SCAPER: variants seen among roughly 807,000 people sequenced by gnomAD.
SCAPER encodes S phase cyclin A-associated protein in the endoplasmic reticulum.
In SCAPER, 98 loss-of-function variants were observed where a neutral mutation model predicts 182.2. The observed-to-expected ratio is 0.54, with a 90% CI of 0.46 to 0.64. The LOEUF is 0.64. SCAPER is among the 30% of genes least tolerant of loss of function. The pLI is 0.00. For missense variants in SCAPER, 1,432 were observed against 1,690.0 expected, an observed-to-expected ratio of 0.85 and a Z score of 2.68; for synonymous variants, 605 against 564.6, an observed-to-expected ratio of 1.07 and a Z score of -1.01.
At chr15:76,443,909 A>G (rs144595449) in intron 25 of SCAPER, among the ~76,000 whole-genome samples, 71 of 152,378 alleles carry the variant, frequency 4.7e-4, no homozygotes, top group African/African-American at 1.6e-3. Flanking sequence ...GAAATAGCCC[A>G]GTCAAAGCAA....
At chr15:76,870,885 T>A (rs541927851) in intron 2 of SCAPER, among the ~76,000 whole-genome samples, 2 of 152,152 alleles carry the variant, frequency 1.3e-5, no homozygotes, top group East Asian at 3.9e-4. Context: ...TGAATTTTTT[T>A]AATAAAAAGG....
intron 15 of SCAPER, among the ~76,000 whole-genome samples, chr15:76,747,219 T>C (rs1327398716): frequency 6.6e-6 from 1 of 152,186 alleles, no homozygotes; most frequent in Non-Finnish European, 1.5e-5. Context: ...TGAAATGTGA[T>C]CTGGCCAGGC....
rs753312847 is a variant in SCAPER at position 76,381,452 on chromosome 15, T to A, written c.3631A>T (p.Asn1211Tyr). 6 of 1,613,726 alleles carry A rather than the reference T, an allele frequency of 3.7e-6. No homozygotes were observed. Among genetic ancestry groups the A allele is most frequent in the Non-Finnish European group, 4.2e-6 (5 of 1,179,870 alleles). Residue 1211 changes from asparagine to tyrosine, a missense_variant, in exon 28 of 32, where the codon AAT becomes TAT. Asn to Tyr is a moderately radical substitution (Grantham distance 143). Coordinates refer to ENST00000563290, the MANE Select transcript of SCAPER (RefSeq NM_020843.4). The part of the protein sequence containing the change: ...TASPKENYTQ[N>Y]TIQVAIQSLR... The stretch of plus-strand genomic sequence containing the variant: ...CTCTGAATGGCCACTTGGATGGTAT[T>A]TTGAGTGTAATTCTCCTTGGGACTG...
At chr15:76,541,106 CAAG>C (rs972593967) in intron 23 of SCAPER, among the ~76,000 whole-genome samples, 1 of 149,804 alleles carries the variant, frequency 6.7e-6, no homozygotes, top group African/African-American at 2.5e-5. Flanking sequence ...AATGACAGGG[CAAG>C]ACTCCGTCTC....
At chr15:76,733,525 G>A (rs537773952) in intron 15 of SCAPER, 141 bp from the exon 16 acceptor site, 24 of 939,714 alleles carry the variant, frequency 2.6e-5, no homozygotes, top group Middle Eastern at 7.1e-4. Flanking sequence ...GAGGAAGGCG[G>A]ATCACCTGAA....
intron 26 of SCAPER, among the ~76,000 whole-genome samples, chr15:76,419,217 G>A (rs1345414972): frequency 6.6e-6 from 1 of 151,614 alleles, no homozygotes; most frequent in African/African-American, 2.4e-5. Flanking sequence ...AACACCCTAG[G>A]ACCCACCTAC....
intron 15 of SCAPER, among the ~76,000 whole-genome samples, chr15:76,744,749 A>G (rs1015501078): frequency 2.0e-5 from 3 of 152,236 alleles, no homozygotes; most frequent in Admixed American, 2.0e-4. Context: ...CTTAAAACAC[A>G]GCTACCATTT....
At chr15:76,813,933 C>T (rs185761233) in intron 5 of SCAPER, among the ~76,000 whole-genome samples, 1 of 152,092 alleles carries the variant, frequency 6.6e-6, no homozygotes, top group African/African-American at 2.4e-5. Context: ...TTTGGGAGGC[C>T]AAGGTGGGCA....
At chr15:76,446,483 G>C (rs1418265613) in intron 25 of SCAPER, among the ~76,000 whole-genome samples, 2 of 152,164 alleles carry the variant, frequency 1.3e-5, no homozygotes, top group Non-Finnish European at 2.9e-5. Context: ...CAAGAACCTG[G>C]GGAAGTTTTA....
At chr15:76,473,703 T>C (rs569397515) in intron 24 of SCAPER, among the ~76,000 whole-genome samples, 7 of 152,178 alleles carry the variant, frequency 4.6e-5, no homozygotes, top group Admixed American at 1.3e-4. Context: ...GTTCTGCAGG[T>C]AGTTCTGCCA....
At chr15:76,426,052 C>T (rs1338558302) in intron 26 of SCAPER, among the ~76,000 whole-genome samples, 4 of 152,304 alleles carry the variant, frequency 2.6e-5, no homozygotes, top group Admixed American at 1.3e-4. Context: ...TTAGGCTACT[C>T]GGGGGTCAGG....
chr15:76,804,368 AT>A (rs2151530224), intron 6 of SCAPER, among the ~76,000 whole-genome samples, 164 bp downstream of exon 6: 1 of 152,350 alleles, frequency 6.6e-6, no homozygotes, highest in South Asian at 2.1e-4. Flanking sequence ...CCCACTGATA[AT>A]TACCCAATAA....
chr15:76,742,912 G>A (rs2061623360), intron 15 of SCAPER, among the ~76,000 whole-genome samples: 1 of 152,000 alleles, frequency 6.6e-6, no homozygotes, highest in Non-Finnish European at 1.5e-5. Context: ...AGAAATACAT[G>A]AGACTTCAGA....
intron 22 of SCAPER, among the ~76,000 whole-genome samples, chr15:76,613,704 T>C (rs1466171074): frequency 6.6e-6 from 1 of 152,108 alleles, no homozygotes; most frequent in Non-Finnish European, 1.5e-5. Context: ...AAAACCATAA[T>C]GAGATATCAT....
At chr15:76,768,192 C>A (rs1474290741) in intron 10 of SCAPER, among the ~76,000 whole-genome samples, 2 of 152,138 alleles carry the variant, frequency 1.3e-5, no homozygotes, top group African/African-American at 4.8e-5. Flanking sequence ...AACAATTCCA[C>A]TCCTAGATAT....
At chr15:76,740,495 T>A (rs1385114503) in intron 15 of SCAPER, among the ~76,000 whole-genome samples, 1 of 152,128 alleles carries the variant, frequency 6.6e-6, no homozygotes, top group East Asian at 1.9e-4. Context: ...TAAATGTAAG[T>A]CACCTACAAG....
chr15:76,650,247 G>T (rs1285956183), intron 21 of SCAPER, among the ~76,000 whole-genome samples: 3 of 151,864 alleles, frequency 2.0e-5, no homozygotes, highest in African/African-American at 7.2e-5. Flanking sequence ...GAAAAAAGGA[G>T]ATTCAATTAC....
intron 26 of SCAPER, among the ~76,000 whole-genome samples, chr15:76,419,443 G>A (rs1267100688): frequency 6.6e-6 from 1 of 151,908 alleles, no homozygotes; most frequent in Admixed American, 6.6e-5. Context: ...ATTCTCGGCC[G>A]GGCACGGTGG....
intron 24 of SCAPER, among the ~76,000 whole-genome samples, chr15:76,504,459 A>G (rs1192473005): frequency 6.6e-6 from 1 of 152,192 alleles, no homozygotes; most frequent in Non-Finnish European, 1.5e-5. Flanking sequence ...CCTGTATGGT[A>G]GGAACTTCTT....
Sources: allele counts gnomAD v4.1 joint callset (sites outside exome capture counted in the v4.1 genomes callset), GRCh38; gene constraint gnomAD v4.1.1; transcripts MANE v1.5; gene names NCBI Gene and HGNC (gene_info 2026-07-23, HGNC 2026-07-21).